The following MAN1B1 variants were observed in gnomAD, a reference collection of about 807,000 sequenced individuals.
MAN1B1 encodes the protein mannosidase alpha class 1B member 1.
Under a neutral mutation model 75.5 loss-of-function variants are expected in MAN1B1, and 66 were observed. The ratio of observed to expected loss-of-function variants is 0.87; its 90% CI spans 0.72 to 1.07. The LOEUF is 1.07. Among genes scored for constraint, MAN1B1 ranks in the 50% least tolerant of loss-of-function variants. MAN1B1 has a pLI of 0.00. For missense variants in MAN1B1, 973 were observed against 912.5 expected (o/e 1.07, Z -0.85); for synonymous variants, 453 against 382.8 (o/e 1.18, Z -2.14).
rs768481351 is a variant in MAN1B1, at chr9:137,109,128, G to A, written c.*537G>A. On this transcript the variant is annotated 3_prime_UTR_variant, in exon 13 of 13. Coordinates refer to ENST00000371589, the MANE Select transcript of MAN1B1 (RefSeq NM_016219.5). ...TGGACGGCAAGTCCGTCTAGCTCAC[G>A]GGCCCCTCCAGTGGAATGGGTCTTT... The A allele has an allele frequency of 1.3e-5, 6 of 454,862 alleles. No homozygotes were observed. The highest frequency in any genetic ancestry group is 2.3e-5 in the Admixed American group (1 of 42,564). 28.2% of individuals were successfully genotyped at this position (454,862 alleles called of 1,614,324 possible).
rs1831150028 is a variant in MAN1B1, at chr9:137,107,354, C to A, written c.1671C>A (p.Tyr557Ter). ...CCCAGGAGCTCATGGAGACTTGTTA[C>A]CAGATGAACCGGCAGATGGAGACGG... is the stretch of plus-strand genomic sequence containing the variant. ...ELAQELMETC[Y>*]QMNRQMETGL... The change falls in exon 11 of 13, where the codon TAC (tyrosine) becomes TAA (stop). Residue 557 changes from tyrosine (Y) to a stop codon, truncating the protein, a stop_gained. Transcript: ENST00000371589. LOFTEE classifies it high-confidence loss of function. The A allele has an allele frequency of 6.2e-7, 1 of 1,613,272 alleles. No individual in the cohort carries two copies. The highest frequency in any genetic ancestry group is 1.1e-5 in the South Asian group (1 of 91,090).
At position 137,094,930 on chromosome 9, in the gene MAN1B1, G is replaced by A. The variant is rs144381768; in HGVS notation, c.466-1307G>A. Among the ~76,000 whole-genome samples the A allele has an allele frequency of 7.7e-3, 1,168 of 152,034 alleles. 8 individuals are homozygous for A. The highest frequency in any genetic ancestry group is 0.019 in the African/African-American group (774 of 41,502). On this transcript the variant is annotated intron_variant, in intron 3 of 12. Coordinates refer to ENST00000371589, the MANE Select transcript of MAN1B1 (RefSeq NM_016219.5). ...AGGCTGGGCATGGTGGCTCATGCCT[G>A]TAATCCCAGCACTTTGGGAGGCTGA...
intron 8 of MAN1B1, chr9:137,104,625 CTG>C (rs1588644044): frequency 5.9e-6 from 1 of 170,772 alleles, no homozygotes; most frequent in East Asian, 1.5e-4. Flanking sequence ...GGCTGAATAT[CTG>C]CTGCGTGGCT....
chr9:137,101,800 C>G (rs1375503911), intron 8 of MAN1B1, 128 bp downstream of exon 8: 1 of 1,111,756 alleles, frequency 9.0e-7, no homozygotes, highest in African/African-American at 1.5e-5. Context: ...ATAAAACACA[C>G]AAAACGCACC....
In MAN1B1 at chr9:137,097,945, C is replaced by T. The variant is rs1319647067; in HGVS notation, c.730+8C>T. The T allele has an allele frequency of 6.5e-7, 1 of 1,545,488 alleles. No homozygotes were observed. The highest frequency in any genetic ancestry group is 2.0e-5 in the Admixed American group (1 of 51,238). On this transcript the variant is annotated splice_region_variant and intron_variant, in intron 5 of 12. Coordinates refer to ENST00000371589, the MANE Select transcript of MAN1B1 (RefSeq NM_016219.5). ...GGACACAGGGCACACCAGGTGAGGC[C>T]ACACCTGCACCCCTTCCTCCCCGGG...
rs1023000674 is a variant in MAN1B1, at chr9:137,109,085, G to T, written c.*494G>T. On this transcript the variant is annotated 3_prime_UTR_variant, in exon 13 of 13. Coordinates refer to ENST00000371589, the MANE Select transcript of MAN1B1 (RefSeq NM_016219.5). ...ACTCAGGGATCCTCCTGGCCGCCCC[G>T]CAGGGGGCTTGGAGGGCTGGACGGC... The T allele has an allele frequency of 8.8e-6, 4 of 455,704 alleles. No homozygotes were observed. The highest frequency in any genetic ancestry group is 7.0e-5 in the Admixed American group (3 of 42,560). The allele number at this position is 455,704 out of a possible 1,614,324, so 28.2% of individuals were successfully genotyped here.
chr9:137,107,046 C>G (rs1831135897), intron 10 of MAN1B1: 1 of 747,038 alleles, frequency 1.3e-6, no homozygotes, highest in African/African-American at 1.8e-5. Context: ...CGGTGTGTAG[C>G]AGGTCCTCGG....
chr9:137,096,345 C>T lies in MAN1B1; in HGVS notation c.574C>T (p.Pro192Ser). ...QEEATKRQEA[P>S]VDPRPEGDPQ... Reference sequence around the variant, plus strand: ...GGAGGCCACAAAAAGGCAAGAAGCCCCTGTGGATCCCCGCCCGGAAGGAGA... The same window carrying T: ...GGAGGCCACAAAAAGGCAAGAAGCCTCTGTGGATCCCCGCCCGGAAGGAGA... The change falls in exon 4 of 13, where the codon CCT (proline) becomes TCT (serine). Residue 192 changes from proline to serine, a missense_variant. Coordinates refer to ENST00000371589, the MANE Select transcript of MAN1B1 (RefSeq NM_016219.5). The T allele has an allele frequency of 1.2e-6, 2 of 1,613,970 alleles. No individual in the cohort carries two copies. The highest frequency in any genetic ancestry group is 1.7e-4 in the Middle Eastern group (1 of 6,060).
chr9:137,097,720 G>T, intron 4 of MAN1B1, 108 bp from the exon 5 acceptor site: 1 of 852,464 alleles, frequency 1.2e-6, no homozygotes, highest in South Asian at 1.4e-5. Context: ...TGATGGGGCC[G>T]CTTTGGGTGC....
chr9:137,100,324 C>A (rs750004446), intron 6 of MAN1B1, among the ~76,000 whole-genome samples: 4 of 152,220 alleles, frequency 2.6e-5, no homozygotes, highest in South Asian at 2.1e-4. Context: ...AGGTTGAAGA[C>A]CACCAGTAAA....
chr9:137,108,049 T>C (rs6420280), intron 12 of MAN1B1: 465,292 of 607,756 alleles, frequency 0.77, 179,692 homozygotes, highest in African/African-American at 0.95. Context: ...AGAGTGTCAC[T>C]TCCTGGCTCT....
rs199949899 is a variant in MAN1B1, at chr9:137,099,782, G to A, written c.817G>A (p.Glu273Lys). The A allele has an allele frequency of 9.3e-6, 15 of 1,614,108 alleles. No homozygotes were observed. The highest frequency in any genetic ancestry group is 4.5e-5 in the East Asian group (2 of 44,904). The change falls in exon 6 of 13, where the codon GAG (glutamate) becomes AAG (lysine). Residue 273 changes from glutamate (E) to lysine (K), a missense_variant. Physicochemically the swap from Glu to Lys is moderately conservative, Grantham distance 56. Transcript: ENST00000371589. ...CCGCAAGTTTGCATGGGGCCATGAC[G>A]AGCTGAAGCCTGTGTCCAGGTCCTT... is the stretch of plus-strand genomic sequence containing the variant. ...GYRKFAWGHD[E>K]LKPVSRSFSE...
chr9:137,099,057 T>G (rs1012474813), intron 5 of MAN1B1, among the ~76,000 whole-genome samples: 7 of 152,164 alleles, frequency 4.6e-5, no homozygotes, highest in African/African-American at 7.2e-5. Flanking sequence ...CTCAAACTTC[T>G]GACCTCAGGT....
rs139630016 is a variant in MAN1B1, at chr9:137,088,973, G to A, written c.433G>A (p.Asp145Asn). 1.5e-5 allele frequency: 25 copies of A among 1,613,860 alleles called. No homozygotes were observed. The highest frequency in any genetic ancestry group is 8.3e-5 in the Admixed American group (5 of 60,006). The change falls in exon 3 of 13, where the codon GAC becomes AAC. Residue 145 changes from aspartate (D) to asparagine (N), a missense_variant. Physicochemically the swap from Asp to Asn is conservative, Grantham distance 23. Transcript: ENST00000371589. ...ACCAGCTCCTCAGAAGGCGGACACC[G>A]ACCCTGAGAACTTACCTGAGATTTC... ...VLPAPQKADT[D>N]PENLPEISSQ... is the part of the protein sequence containing the mutation.
rs1830417917 is a variant in MAN1B1, at chr9:137,087,953, AGAAAT to A, written c.220-121_220-117del. 2.2e-5 allele frequency: 19 copies of A among 851,050 alleles called. No homozygotes were observed. The South Asian group carries it at 2.8e-4, about 12-fold the overall frequency. The allele number at this position is 851,050 out of a possible 1,614,324, so 52.7% of individuals were successfully genotyped here. A position where few individuals can be genotyped will look rare whatever the true frequency, so the allele number is the denominator to read the frequency against. On this transcript the variant is annotated intron_variant, in intron 1 of 12. Coordinates refer to ENST00000371589, the MANE Select transcript of MAN1B1 (RefSeq NM_016219.5). ...TGAGACCCTGTTTCCAAAAAAAAAAAGAAATAGAGCTGAACACTGGATCTTCCAGA... is the reference window on the plus strand; with the variant it reads ...TGAGACCCTGTTTCCAAAAAAAAAAAAGAGCTGAACACTGGATCTTCCAGA...
intron 3 of MAN1B1, among the ~76,000 whole-genome samples, chr9:137,095,851 G>A (rs1191366315): frequency 6.6e-6 from 1 of 152,212 alleles, no homozygotes; most frequent in Non-Finnish European, 1.5e-5. Flanking sequence ...GAAGCTTTGT[G>A]CTTTGTAGTG....
At chr9:137,095,148 A>G (rs1830619926) in intron 3 of MAN1B1, among the ~76,000 whole-genome samples, 1 of 151,904 alleles carries the variant, frequency 6.6e-6, no homozygotes, top group South Asian at 2.1e-4. Context: ...AGATTGCACC[A>G]TTGCACTCCG....
chr9:137,106,030 G>C (rs1831081219), intron 8 of MAN1B1, 95 bp from the exon 9 acceptor site: 1 of 974,472 alleles, frequency 1.0e-6, no homozygotes, highest in East Asian at 2.5e-5. Flanking sequence ...AGTCGGTGCT[G>C]GGGCGAGGGG....
In MAN1B1 at chr9:137,088,878, T is replaced by C. The variant is rs200572517; in HGVS notation, c.338T>C (p.Phe113Ser). Residue 113 changes from phenylalanine to serine, a missense_variant, in exon 3 of 13, where the codon TTC becomes TCC. Transcript: ENST00000371589. The part of the protein sequence containing the change: ...NLADHWKALA[F>S]RLEEEQKMRP... ...AGCTTCTGTTATTCAGCTCTGGCTT[T>C]CAGGCTAGAGGAAGAGCAGAAGATG... The C allele has an allele frequency of 1.9e-6, 3 of 1,614,012 alleles. No homozygotes were observed. In the East Asian group the frequency reaches 6.7e-5, roughly 36 times the overall value.
Sources: allele counts gnomAD v4.1 joint callset (sites outside exome capture counted in the v4.1 genomes callset), GRCh38; gene constraint gnomAD v4.1.1; transcripts MANE v1.5; gene names NCBI Gene and HGNC (gene_info 2026-07-23, HGNC 2026-07-21).